The following PTCHD4 variants were observed in gnomAD, a reference collection of about 807,000 sequenced individuals.
The protein encoded by PTCHD4 is patched domain-containing protein 4.
Under a neutral mutation model 58.1 loss-of-function variants are expected in PTCHD4, and 33 were observed. The observed-to-expected ratio is 0.57, with a 90% CI of 0.43 to 0.76. The LOEUF (loss-of-function observed/expected upper bound fraction) is 0.76, where lower values mean the gene tolerates loss of function less well. Among genes scored for constraint, PTCHD4 ranks in the 30% least tolerant of loss-of-function variants. The pLI is 0.00. For synonymous variants in PTCHD4, 478 were observed against 409.6 expected (o/e 1.17, Z -2.02); for missense variants, 1,058 against 1,027.1 (o/e 1.03, Z -0.41).
intron 4 of PTCHD4, among the ~76,000 whole-genome samples, chr6:47,893,644 A>T (rs1764445776): frequency 6.6e-6 from 1 of 152,176 alleles, no homozygotes; most frequent in Admixed American, 6.5e-5. Context: ...TGCTTCAAAG[A>T]CTTGCTGTGT....
intron 4 of PTCHD4, among the ~76,000 whole-genome samples, chr6:47,965,971 G>T (rs1767276433): frequency 6.6e-6 from 1 of 152,020 alleles, no homozygotes; most frequent in South Asian, 2.1e-4. Flanking sequence ...AACCCTCTTG[G>T]TTCTAAGAAG....
At chr6:47,980,701 A>G (rs532393968) in intron 4 of PTCHD4, among the ~76,000 whole-genome samples, 1 of 152,090 alleles carries the variant, frequency 6.6e-6, no homozygotes, top group African/African-American at 2.4e-5. Context: ...ATTTTAAATG[A>G]AAATAATTAA....
chr6:47,991,512 A>C (rs1768279317), intron 4 of PTCHD4, among the ~76,000 whole-genome samples: 1 of 152,156 alleles, frequency 6.6e-6, no homozygotes, highest in African/African-American at 2.4e-5. Flanking sequence ...ATGGAAGGTC[A>C]GAGATGTAAG....
At chr6:48,039,704 A>G (rs1365363067) in intron 3 of PTCHD4, among the ~76,000 whole-genome samples, 1 of 152,104 alleles carries the variant, frequency 6.6e-6, no homozygotes, top group African/African-American at 2.4e-5. Flanking sequence ...CAATTAGATG[A>G]ATTTGAAATG....
intron 3 of PTCHD4, among the ~76,000 whole-genome samples, chr6:48,016,139 C>G (rs2114100414): frequency 6.6e-6 from 1 of 151,958 alleles, no homozygotes; most frequent in African/African-American, 2.4e-5. Context: ...GGAAGCTAGT[C>G]AACAGACAGG....
intron 4 of PTCHD4, chr6:47,901,972 A>T (rs1166742181): frequency 8.1e-7 from 1 of 1,234,748 alleles, no homozygotes; most frequent in African/African-American, 1.6e-5. Context: ...AACAAGAGTT[A>T]TGTTATATTT....
chr6:47,959,416 A>G (rs1766996568), intron 4 of PTCHD4, among the ~76,000 whole-genome samples: 1 of 152,216 alleles, frequency 6.6e-6, no homozygotes, highest in East Asian at 1.9e-4. Context: ...AGGAACCCTG[A>G]ATGTCAGTGA....
At position 47,868,362 on chromosome 6, in the gene PTCHD4, T is replaced by C. The variant is rs1268082285; in HGVS notation, c.*9941A>G. ...TCTTCCTTTATATGGGGCCTTATTA[T>C]TGTGTAACTGGCTATATAGGAAAAT... is the stretch of plus-strand genomic sequence containing the variant. On this transcript the variant is annotated 3_prime_UTR_variant, in exon 5 of 5. Transcript: ENST00000339488. Among the ~76,000 whole-genome samples the C allele has an allele frequency of 1.3e-5, 2 of 151,746 alleles. No individual in the cohort carries two copies. The highest frequency in any genetic ancestry group is 2.9e-5 in the Non-Finnish European group (2 of 67,808).
chr6:47,957,666 T>A (rs1356718990), intron 4 of PTCHD4, among the ~76,000 whole-genome samples: 1 of 151,400 alleles, frequency 6.6e-6, no homozygotes, highest in African/African-American at 2.4e-5. Context: ...AGTGACGCAA[T>A]CTTGGCTCTC....
intron 4 of PTCHD4, among the ~76,000 whole-genome samples, chr6:47,925,206 T>C (rs1038231731): frequency 2.6e-5 from 4 of 151,316 alleles, no homozygotes; most frequent in Non-Finnish European, 5.9e-5. Context: ...TGTGTGTGTA[T>C]GTATATGCTT....
Position 47,879,505 on chromosome 6 carries a change from G to C in PTCHD4, c.1330C>G (p.Gln444Glu). 1.2e-6 allele frequency: 2 copies of C among 1,613,798 alleles called. No homozygotes were observed. Among genetic ancestry groups the C allele is most frequent in the Admixed American group, 1.7e-5 (1 of 59,978 alleles). The part of the protein sequence containing the change: ...ETNPYQHHFI[Q>E]HFLREHYNEW... Reference sequence around the variant, plus strand: ...TTATAATGTTCACGGAGGAAGTGCTGAATGAAGTGGTGCTGGTAGGGGTTC... The same window carrying C: ...TTATAATGTTCACGGAGGAAGTGCTCAATGAAGTGGTGCTGGTAGGGGTTC... The change falls in exon 5 of 5, where the codon CAG (glutamine) becomes GAG (glutamate). Residue 444 changes from glutamine to glutamate, a missense_variant. Gln to Glu is a conservative substitution (Grantham distance 29, BLOSUM62 2). Transcript: ENST00000339488.
intron 3 of PTCHD4, among the ~76,000 whole-genome samples, chr6:48,035,950 G>A (rs1271008871): frequency 6.6e-6 from 1 of 152,022 alleles, no homozygotes; most frequent in African/African-American, 2.4e-5. Context: ...TCCCATTGCA[G>A]TGCTCCCTGT....
Position 48,008,744 on chromosome 6 carries a change from A to G in PTCHD4, c.788T>C (p.Leu263Pro). The change falls in exon 4 of 5, where the codon CTC becomes CCC. Residue 263 changes from leucine to proline, a missense_variant. Physicochemically the swap from Leu to Pro is moderately conservative, Grantham distance 98. Transcript: ENST00000339488. ...GATGCATACTGTGAGCACCCCCAGG[A>G]GGCCCAGGAAGGGCTTACTGCGCAA... Reference protein sequence around the residue: ...DCLRSKPFLGLLGVLTVCISI... With the variant: ...DCLRSKPFLGPLGVLTVCISI... 6.2e-7 allele frequency: 1 copy of G among 1,613,942 alleles called. No individual in the cohort carries two copies. The highest frequency in any genetic ancestry group is 8.5e-7 in the Non-Finnish European group (1 of 1,179,892).
At chr6:47,894,297 A>T (rs1402695045) in intron 4 of PTCHD4, among the ~76,000 whole-genome samples, 1 of 152,238 alleles carries the variant, frequency 6.6e-6, no homozygotes, top group Non-Finnish European at 1.5e-5. Flanking sequence ...ATTTATAAAC[A>T]GAAGTTCTTT....
chr6:47,910,385 G>C (rs752940867), intron 4 of PTCHD4, among the ~76,000 whole-genome samples: 5 of 152,060 alleles, frequency 3.3e-5, no homozygotes, highest in Non-Finnish European at 5.9e-5. Flanking sequence ...AGCACAGAGG[G>C]AGGGCATATT....
chr6:48,054,354 A>G (rs1764337182), intron 3 of PTCHD4, among the ~76,000 whole-genome samples: 1 of 152,150 alleles, frequency 6.6e-6, no homozygotes, highest in Non-Finnish European at 1.5e-5. Flanking sequence ...CCTAATTTCT[A>G]TCCAAGGTTT....
intron 3 of PTCHD4, among the ~76,000 whole-genome samples, chr6:48,063,435 T>C (rs1408347494): frequency 6.6e-6 from 1 of 152,110 alleles, no homozygotes; most frequent in African/African-American, 2.4e-5. Context: ...CCTACTTCTT[T>C]CTTAGTATAA....
chr6:47,975,060 C>G (rs935671474), intron 4 of PTCHD4, among the ~76,000 whole-genome samples: 1 of 152,208 alleles, frequency 6.6e-6, no homozygotes, highest in East Asian at 1.9e-4. Flanking sequence ...CCTTCTTCAC[C>G]TCCAAGGCTG....
intron 4 of PTCHD4, chr6:47,901,356 T>C (rs1352960331): frequency 2.6e-6 from 2 of 762,110 alleles, no homozygotes; most frequent in East Asian, 2.6e-4. Context: ...GTAATATTTA[T>C]CTCATAGAAT....
Sources: gnomAD v4.1 joint callset for allele counts (sites outside exome capture counted in the v4.1 genomes callset) on GRCh38, gnomAD v4.1.1 for gene constraint, MANE v1.5 for transcripts, NCBI Gene and HGNC (gene_info 2026-07-23, HGNC 2026-07-21) for gene names.